Variants in BCL2 observed in about 807,000 individuals in gnomAD.
BCL2 encodes apoptosis regulator Bcl-2.
Under a neutral mutation model 14.2 loss-of-function variants are expected in BCL2, and 1 was observed. That is an observed-to-expected ratio of 0.07 (90% CI 0.02 to 0.33). The LOEUF is 0.33. Ranked by LOEUF, BCL2 falls within the 10% of genes least tolerant of loss-of-function variation. BCL2 has a pLI of 0.99. For synonymous variants in BCL2, 151 were observed against 137.2 expected, an observed-to-expected ratio of 1.10 and a Z score of -0.70; for missense variants, 247 against 305.9, an observed-to-expected ratio of 0.81 and a Z score of 1.44.
chr18:63,307,353 T>A lies in BCL2; in HGVS notation c.585+10729A>T, dbSNP rs908106158. 3.3e-5 allele frequency among the ~76,000 whole-genome samples: 5 copies of A among 152,400 alleles called. 1 individual carries two copies. In the Middle Eastern group the frequency reaches 0.01, roughly 311 times the overall value. On this transcript the variant is annotated intron_variant, in intron 2 of 2. Transcript: ENST00000333681. ...TCCAATGACATGTACTTTCATCGGT[T>A]AATTTTTAATTGAGCCAAATATTAA...
Position 63,128,404 on chromosome 18 carries a change from G to A in BCL2, c.*221C>T, listed in dbSNP as rs955836194. On this transcript the variant is annotated 3_prime_UTR_variant, in exon 3 of 3. Transcript: ENST00000333681. ...TTTCTTAATAATGTAAAAAATAAAT[G>A]ATATTTCCCTTTGGCAGTAAATAGC... 4 of 420,442 alleles carry A rather than the reference G, an allele frequency of 9.5e-6. No individual in the cohort carries two copies. The highest frequency in any genetic ancestry group is 4.0e-5 in the African/African-American group (2 of 49,586). The allele number at this position is 420,442 out of a possible 1,614,324, so 26.0% of individuals were successfully genotyped here. A position where few individuals can be genotyped will look rare whatever the true frequency, so the allele number is the denominator to read the frequency against.
intron 2 of BCL2, among the ~76,000 whole-genome samples, chr18:63,255,666 C>T (rs79208923): frequency 6.6e-6 from 1 of 152,134 alleles, no homozygotes; most frequent in Admixed American, 6.5e-5. Flanking sequence ...TAACCTCAGT[C>T]TGTCTTGAAT....
intron 2 of BCL2, among the ~76,000 whole-genome samples, chr18:63,300,231 G>A (rs1287668819): frequency 1.3e-5 from 2 of 151,910 alleles, no homozygotes; most frequent in African/African-American, 2.4e-5. Context: ...TTACATCCCC[G>A]TCCACTTGAG....
chr18:63,276,547 A>G (rs1309112917), intron 2 of BCL2, among the ~76,000 whole-genome samples: 1 of 152,176 alleles, frequency 6.6e-6, no homozygotes, highest in African/African-American at 2.4e-5. Flanking sequence ...ACGCCATTTT[A>G]CCTGTCAACA....
intron 2 of BCL2, among the ~76,000 whole-genome samples, chr18:63,232,362 C>A (rs1047663975): frequency 2.0e-5 from 3 of 151,790 alleles, no homozygotes; most frequent in African/African-American, 7.3e-5. Flanking sequence ...TGTTTAAAGG[C>A]AATAAATAGC....
chr18:63,289,831 T>G (rs1202396336), intron 2 of BCL2, among the ~76,000 whole-genome samples: 2 of 151,998 alleles, frequency 1.3e-5, no homozygotes, highest in African/African-American at 4.8e-5. Flanking sequence ...GAGGCGGAGG[T>G]TGCAGTGAGC....
At chr18:63,275,996 A>T (rs1025842829) in intron 2 of BCL2, among the ~76,000 whole-genome samples, 1 of 152,238 alleles carries the variant, frequency 6.6e-6, no homozygotes, top group African/African-American at 2.4e-5. Context: ...GCTTCAGGTG[A>T]CAGCCAACAC....
intron 2 of BCL2, among the ~76,000 whole-genome samples, chr18:63,182,525 T>C (rs2144643108): frequency 6.6e-6 from 1 of 152,246 alleles, no homozygotes; most frequent in East Asian, 1.9e-4. Flanking sequence ...TGGAAAAACA[T>C]ATGCTGCTCC....
rs954683009 is a variant in BCL2 at position 63,124,733 on chromosome 18, T to G, written c.*3892A>C. On this transcript the variant is annotated 3_prime_UTR_variant, in exon 3 of 3. Coordinates refer to ENST00000333681, the MANE Select transcript of BCL2 (RefSeq NM_000633.3). ...GCTTGACAATGTAGAATTGTATTTC[T>G]TAAAAAGTGTGTAACCACATTTGTC... The G allele has an allele frequency of 4.4e-6, 1 of 229,808 alleles. No homozygotes were observed. Among genetic ancestry groups the G allele is most frequent in the Non-Finnish European group, 8.6e-6 (1 of 115,618 alleles). 14.2% of individuals were successfully genotyped at this position (229,808 alleles called of 1,614,324 possible). A position where few individuals can be genotyped will look rare whatever the true frequency, so the allele number is the denominator to read the frequency against.
At chr18:63,158,060 C>T (rs1309757404) in intron 2 of BCL2, among the ~76,000 whole-genome samples, 1 of 151,950 alleles carries the variant, frequency 6.6e-6, no homozygotes, top group East Asian at 1.9e-4. Context: ...GCTCCAAGTC[C>T]ATCTATACTC....
rs374610355 is a variant in BCL2 at position 63,302,963 on chromosome 18, T to C, written c.585+15119A>G. 51 of 852,136 alleles carry C rather than the reference T, an allele frequency of 6.0e-5. No individual in the cohort carries two copies. The African/African-American group carries it at 8.3e-4, about 14-fold the overall frequency. 52.8% of individuals were successfully genotyped at this position (852,136 alleles called of 1,614,324 possible). A position where few individuals can be genotyped will look rare whatever the true frequency, so the allele number is the denominator to read the frequency against. On this transcript the variant is annotated intron_variant, in intron 2 of 2. Coordinates refer to ENST00000333681, the MANE Select transcript of BCL2 (RefSeq NM_000633.3). ...TACGCCCTGGTTGCTGAAGGTGGGT[T>C]TGTTTTTAAGTAGAATAAAATGTAC...
intron 2 of BCL2, among the ~76,000 whole-genome samples, chr18:63,312,554 C>CA (rs1453916518): frequency 6.6e-6 from 1 of 152,072 alleles, no homozygotes; most frequent in Non-Finnish European, 1.5e-5. Context: ...ACCACAAGCC[C>CA]AAAAAAGTCC....
intron 2 of BCL2, among the ~76,000 whole-genome samples, chr18:63,267,683 T>G (rs992132958): frequency 1.3e-5 from 2 of 152,202 alleles, no homozygotes; most frequent in Non-Finnish European, 2.9e-5. Context: ...AGTAAATATA[T>G]ATCCTTGAGA....
intron 2 of BCL2, among the ~76,000 whole-genome samples, chr18:63,193,336 T>C (rs12962650): frequency 6.6e-6 from 1 of 151,880 alleles, no homozygotes; most frequent in Admixed American, 6.5e-5. Flanking sequence ...TTAAGAACTC[T>C]TAACATGAGA....
intron 2 of BCL2, among the ~76,000 whole-genome samples, chr18:63,251,978 C>T (rs909833992): frequency 6.6e-6 from 1 of 152,094 alleles, no homozygotes; most frequent in African/African-American, 2.4e-5. Context: ...GGATTACAGG[C>T]GTGAGCCACT....
At chr18:63,213,799 A>G (rs1304727051) in intron 2 of BCL2, among the ~76,000 whole-genome samples, 2 of 152,070 alleles carry the variant, frequency 1.3e-5, no homozygotes, top group Admixed American at 6.6e-5. Context: ...ACCACTTGAC[A>G]TTCTTTCTCA....
chr18:63,228,130 A>G (rs1275228844), intron 2 of BCL2, among the ~76,000 whole-genome samples: 1 of 152,212 alleles, frequency 6.6e-6, no homozygotes, highest in Non-Finnish European at 1.5e-5. Flanking sequence ...AAGATCACTA[A>G]TGCCATTGTG....
chr18:63,171,860 A>G, intron 2 of BCL2, among the ~76,000 whole-genome samples: 1 of 152,216 alleles, frequency 6.6e-6, no homozygotes, highest in Non-Finnish European at 1.5e-5. Context: ...ACAGGCCTGT[A>G]GTCCCACATA....
At chr18:63,312,719 A>G (rs146794594) in intron 2 of BCL2, among the ~76,000 whole-genome samples, 5,525 of 152,328 alleles carry the variant, frequency 0.036, 131 homozygotes, top group Non-Finnish European at 0.056. Flanking sequence ...CTCTGGTTCA[A>G]AACCTACTTG....
Sources: gnomAD v4.1 joint callset for allele counts (sites outside exome capture counted in the v4.1 genomes callset) on GRCh38, gnomAD v4.1.1 for gene constraint, MANE v1.5 for transcripts, NCBI Gene and HGNC (gene_info 2026-07-23, HGNC 2026-07-21) for gene names.